The following MRS2 variants were observed in gnomAD, a reference collection of about 807,000 sequenced individuals.
The protein encoded by MRS2 is magnesium transporter MRS2, also known as magnesium transporter MRS2 homolog, mitochondrial.
Under a neutral mutation model 52.6 loss-of-function variants are expected in MRS2, and 40 were observed. That is an observed-to-expected ratio of 0.76 (90% CI 0.59 to 0.99). The LOEUF (loss-of-function observed/expected upper bound fraction) is 0.99, where lower values mean the gene tolerates loss of function less well. Among genes scored for constraint, MRS2 ranks in the 50% least tolerant of loss-of-function variants. MRS2 has a pLI of 0.00. For synonymous variants in MRS2, 193 were observed against 195.9 expected (o/e 0.98, Z 0.13); for missense variants, 472 against 532.7 (o/e 0.89, Z 1.12).
intron 4 of MRS2, chr6:24,410,789 GAGAC>G (rs1297864658): frequency 4.0e-6 from 6 of 1,513,306 alleles, no homozygotes; most frequent in Non-Finnish European, 4.4e-6. Flanking sequence ...CTTTCATGGA[GAGAC>G]AGACAGGTAT....
intron 2 of MRS2, 75 bp downstream of exon 2, chr6:24,405,316 C>A: frequency 1.9e-6 from 2 of 1,055,782 alleles, no homozygotes; most frequent in African/African-American, 1.6e-5. Flanking sequence ...GGACTGTTGG[C>A]CAAGATACTA....
intron 7 of MRS2, 40 bp from the exon 8 acceptor site, chr6:24,418,044 A>C: frequency 6.4e-7 from 1 of 1,573,840 alleles, no homozygotes; most frequent in Non-Finnish European, 8.6e-7. Context: ...TATGATACAC[A>C]TGTTGGGAGT....
chr6:24,418,389 G>A, intron 8 of MRS2, 72 bp from the exon 9 acceptor site: 2 of 1,595,562 alleles, frequency 1.3e-6, no homozygotes, highest in Non-Finnish European at 1.7e-6. Context: ...CATGTGGTCT[G>A]TATAGATTTG....
intron 9 of MRS2, among the ~76,000 whole-genome samples, chr6:24,422,159 A>G (rs1177880817): frequency 6.6e-6 from 1 of 152,086 alleles, no homozygotes; most frequent in African/African-American, 2.4e-5. Context: ...AACAACAACA[A>G]AAAGAGGAGG....
At chr6:24,422,082 G>A (rs554801518) in intron 9 of MRS2, among the ~76,000 whole-genome samples, 78 of 152,262 alleles carry the variant, frequency 5.1e-4, no homozygotes, top group African/African-American at 1.7e-3. Flanking sequence ...TCAGGTAGAC[G>A]GAGGTTGCAG....
chr6:24,409,021 A>C (rs1000869067), intron 3 of MRS2, among the ~76,000 whole-genome samples: 8 of 152,230 alleles, frequency 5.3e-5, no homozygotes, highest in African/African-American at 1.4e-4. Flanking sequence ...TAATAAATTC[A>C]GCTTTTCTCA....
intron 4 of MRS2, 144 bp downstream of exon 4, chr6:24,409,717 T>C (rs561673816): frequency 5.8e-5 from 34 of 582,108 alleles, no homozygotes; most frequent in African/African-American, 3.8e-4. Context: ...TAGCTTAATA[T>C]GCTATTATGA....
intron 8 of MRS2, 35 bp from the exon 9 acceptor site, chr6:24,418,426 G>A: frequency 1.2e-6 from 2 of 1,612,854 alleles, no homozygotes; most frequent in Non-Finnish European, 1.7e-6. Context: ...TAGTTAGTGG[G>A]CCCTTCTAAT....
intron 9 of MRS2, 63 bp from the exon 10 acceptor site, chr6:24,422,874 A>T (rs531722437): frequency 8.9e-7 from 1 of 1,128,766 alleles, no homozygotes; most frequent in East Asian, 2.4e-5. Flanking sequence ...GGCAGTAACA[A>T]TTCAAGGAAT....
intron 1 of MRS2, among the ~76,000 whole-genome samples, chr6:24,403,997 G>GA (rs1327947771): frequency 2.6e-5 from 4 of 152,216 alleles, no homozygotes; most frequent in Non-Finnish European, 4.4e-5. Context: ...GAAGCATGGT[G>GA]AAAAGTTAAG....
At chr6:24,407,723 G>A (rs563294402) in intron 2 of MRS2, among the ~76,000 whole-genome samples, 6 of 152,202 alleles carry the variant, frequency 3.9e-5, no homozygotes, top group South Asian at 2.1e-4. Flanking sequence ...TTCACAAGGC[G>A]GGCCATACTT....
At chr6:24,421,773 A>G (rs1307327838) in intron 9 of MRS2, among the ~76,000 whole-genome samples, 1 of 152,220 alleles carries the variant, frequency 6.6e-6, no homozygotes, top group Non-Finnish European at 1.5e-5. Flanking sequence ...TACTGAAGTT[A>G]TTTTCCAATC....
chr6:24,412,652 C>G (rs1411427938), intron 5 of MRS2, among the ~76,000 whole-genome samples: 12 of 152,078 alleles, frequency 7.9e-5, no homozygotes, highest in Non-Finnish European at 4.4e-5. Context: ...ATCATTTCAT[C>G]AAGTCATTTT....
intron 3 of MRS2, among the ~76,000 whole-genome samples, chr6:24,408,950 C>G (rs78651127): frequency 0.03 from 4,553 of 152,228 alleles, 177 homozygotes; most frequent in East Asian, 0.14. Flanking sequence ...CTAGGCATTA[C>G]TTTACAGTGT....
At position 24,412,748 on chromosome 6, in the gene MRS2, T is replaced by C. The variant is rs1268916940; in HGVS notation, c.588+353T>C. ...AGATTGACATAGGAATCACGCACAG[T>C]TCTTCCAGTGACTCCTCCTTTAAAT... On this transcript the variant is annotated intron_variant, in intron 5 of 10. Transcript: ENST00000378386. Among the ~76,000 whole-genome samples the C allele has an allele frequency of 2.0e-5, 3 of 152,328 alleles. No homozygotes were observed. The East Asian group carries it at 5.8e-4, about 29-fold the overall frequency.
In MRS2 at chr6:24,418,228, T is replaced by C. The variant is rs1686659670; in HGVS notation, c.981T>C (p.Asn327=). Residue 327 remains asparagine (N), a synonymous_variant, in exon 8 of 11, where the codon AAT becomes AAC. Transcript: ENST00000378386. ...IDDSQSIIFI[N]LDSHRNVMMR... Reference sequence around the variant, plus strand: ...ATTCACAAAGTATTATTTTCATTAATCTGGACAGGTAAGAAAGCATTATAT... The same window carrying C: ...ATTCACAAAGTATTATTTTCATTAACCTGGACAGGTAAGAAAGCATTATAT... 6.2e-7 allele frequency: 1 copy of C among 1,605,244 alleles called. No individual in the cohort carries two copies. The highest frequency in any genetic ancestry group is 1.3e-5 in the African/African-American group (1 of 74,520).
chr6:24,403,963 C>T (rs963169505), intron 1 of MRS2, among the ~76,000 whole-genome samples: 1 of 152,268 alleles, frequency 6.6e-6, no homozygotes, highest in African/African-American at 2.4e-5. Flanking sequence ...ATCTTATTTG[C>T]TGTTTATTTT....
chr6:24,406,210 T>A (rs935025648), intron 2 of MRS2, among the ~76,000 whole-genome samples: 1 of 151,826 alleles, frequency 6.6e-6, no homozygotes, highest in Non-Finnish European at 1.5e-5. Context: ...TACAATAACA[T>A]CTTTGTGCCT....
chr6:24,418,289 A>G, intron 8 of MRS2, 53 bp downstream of exon 8: 1 of 1,478,040 alleles, frequency 6.8e-7, no homozygotes, highest in Non-Finnish European at 9.0e-7. Context: ...ATTATAAGAA[A>G]GTTTTTAAGG....
Sources: gnomAD v4.1 joint callset for allele counts (sites outside exome capture counted in the v4.1 genomes callset) on GRCh38, gnomAD v4.1.1 for gene constraint, MANE v1.5 for transcripts, NCBI Gene and HGNC (gene_info 2026-07-23, HGNC 2026-07-21) for gene names.